The following SLC12A5 variants were observed in gnomAD, a reference collection of about 807,000 sequenced individuals.
SLC12A5 encodes the protein K-Cl cotransporter 2.
Under a neutral mutation model 124.0 loss-of-function variants are expected in SLC12A5, and 18 were observed. The observed-to-expected ratio is 0.15, with a 90% CI of 0.10 to 0.22. The LOEUF (loss-of-function observed/expected upper bound fraction) is 0.22. Ranked by LOEUF, SLC12A5 falls within the 10% of genes least tolerant of loss-of-function variation. SLC12A5 has a pLI of 1.00. For synonymous variants in SLC12A5, 589 were observed against 568.0 expected, an observed-to-expected ratio of 1.04 and a Z score of -0.53; for missense variants, 867 against 1,478.7, an observed-to-expected ratio of 0.59 and a Z score of 6.78.
chr20:46,036,716 G>A (rs142261105), intron 4 of SLC12A5, 25 bp from the exon 5 acceptor site: 7 of 1,613,150 alleles, frequency 4.3e-6, no homozygotes, highest in South Asian at 1.1e-5. Flanking sequence ...CCCAGCCACC[G>A]CTCTGATGAT....
In SLC12A5 at chr20:46,057,776, G is replaced by C. The variant is rs749741363; in HGVS notation, c.*171G>C. On this transcript the variant is annotated 3_prime_UTR_variant, in exon 26 of 26. Coordinates refer to ENST00000243964, the MANE Select transcript of SLC12A5 (RefSeq NM_020708.5). This position sits in a 1 kb window ranked among gnomAD's most constrained non-coding sequence, Gnocchi z 7.1. Reference sequence around the variant, plus strand: ...ACGCCTGTTGGGGCTGATTCGGAGAGGGCGCCCCGCCGCGCAGAGACCAGA... The same window carrying C: ...ACGCCTGTTGGGGCTGATTCGGAGACGGCGCCCCGCCGCGCAGAGACCAGA... The C allele has an allele frequency of 8.6e-6, 5 of 582,848 alleles. No homozygotes were observed. Among genetic ancestry groups the C allele is most frequent in the Non-Finnish European group, 1.5e-5 (5 of 339,208 alleles). 36.1% of individuals were successfully genotyped at this position (582,848 alleles called of 1,614,324 possible). A position where few individuals can be genotyped will look rare whatever the true frequency, so the allele number is the denominator to read the frequency against.
intron 14 of SLC12A5, among the ~76,000 whole-genome samples, chr20:46,046,951 G>A (rs1037545479): frequency 6.6e-6 from 1 of 152,216 alleles, no homozygotes; most frequent in Non-Finnish European, 1.5e-5. Context: ...AGGCCCTCGG[G>A]GGCAGACAGA....
intron 1 of SLC12A5, among the ~76,000 whole-genome samples, chr20:46,029,918 G>C (rs532339970): frequency 3.5e-3 from 33 of 9,308 alleles, no homozygotes; most frequent in South Asian, 0.031. Flanking sequence ...GTGTGTGTGC[G>C]TGTGTGTGTG....
chr20:46,047,396 C>A, intron 14 of SLC12A5, 58 bp from the exon 15 acceptor site: 1 of 1,592,500 alleles, frequency 6.3e-7, no homozygotes. Flanking sequence ...TTTCTAAGTC[C>A]CAGCTTCAGC....
intron 11 of SLC12A5, 191 bp from the exon 12 acceptor site, chr20:46,044,775 T>C: frequency 1.5e-6 from 1 of 648,952 alleles, no homozygotes; most frequent in Admixed American, 3.0e-5. Flanking sequence ...TGGTTTTCAG[T>C]ATCAGGAAAT....
chr20:46,033,137 T>A (rs958509611), intron 1 of SLC12A5, among the ~76,000 whole-genome samples: 5 of 152,100 alleles, frequency 3.3e-5, no homozygotes, highest in Admixed American at 1.3e-4. Flanking sequence ...AGGAAGAGAT[T>A]GGTTTTATAA....
intron 20 of SLC12A5, among the ~76,000 whole-genome samples, chr20:46,054,393 C>T (rs1429135258): frequency 6.6e-6 from 1 of 152,174 alleles, no homozygotes; most frequent in Non-Finnish European, 1.5e-5. Flanking sequence ...CTGGTGGAGG[C>T]AGGATTCAAA....
At chr20:46,021,784 G>A, upstream of SLC12A5, 1 of 1,532,812 alleles carries the variant, frequency 6.5e-7, no homozygotes, top group Non-Finnish European at 8.7e-7. Context: ...CAGGTTCACG[G>A]TCACCTCGCT....
At chr20:46,041,223 TG>T in intron 7 of SLC12A5, 105 bp from the exon 8 acceptor site, 1 of 902,666 alleles carries the variant, frequency 1.1e-6, no homozygotes, top group Non-Finnish European at 1.7e-6. Flanking sequence ...ACTCTGGATA[TG>T]GGGACCTGGC....
intron 21 of SLC12A5, chr20:46,055,825 A>C (rs1350909260): frequency 1.3e-5 from 4 of 313,120 alleles, no homozygotes; most frequent in Non-Finnish European, 2.4e-5. Flanking sequence ...GTGTTATCCA[A>C]GGGAGGTAGT....
At chr20:46,024,150 T>TGTGG (rs1409752018), downstream of SLC12A5, among the ~76,000 whole-genome samples, 3 of 151,374 alleles carry the variant, frequency 2.0e-5, no homozygotes, top group East Asian at 5.8e-4. Context: ...GCTGTGTGTG[T>TGTGG]GTGTGTGTGT....
At chr20:46,048,599 C>T (rs960624282) in intron 16 of SLC12A5, among the ~76,000 whole-genome samples, 9 of 151,960 alleles carry the variant, frequency 5.9e-5, no homozygotes, top group African/African-American at 1.5e-4. Context: ...ATGCCGAGCG[C>T]GGTGGCTCAT....
rs558694441 is a variant in SLC12A5, at chr20:46,049,185, C to T, written c.2013-437C>T. ...CAGAGTAGGTGCTTAGAGAATGCTA[C>T]GAAGTTGATAGGTGGTTGGAGGACT... On this transcript the variant is annotated intron_variant, in intron 16 of 25. Coordinates refer to ENST00000243964, the MANE Select transcript of SLC12A5 (RefSeq NM_020708.5). 5.3e-5 allele frequency among the ~76,000 whole-genome samples: 8 copies of T among 152,166 alleles called. No homozygotes were observed. The South Asian group carries it at 1.5e-3, about 28-fold the overall frequency.
chr20:46,040,683 C>A, intron 7 of SLC12A5, 69 bp downstream of exon 7: 1 of 1,577,100 alleles, frequency 6.3e-7, no homozygotes, highest in South Asian at 1.2e-5. Context: ...AGAGTCTCTG[C>A]CAAACTCCCC....
Position 46,053,448 on chromosome 20 carries a change from G to A in SLC12A5, c.2548-130G>A. 7.7e-7 allele frequency: 1 copy of A among 1,291,576 alleles called. No individual in the cohort carries two copies. The highest frequency in any genetic ancestry group is 1.3e-5 in the South Asian group (1 of 74,416). The allele number at this position is 1,291,576 out of a possible 1,614,324, so 80.0% of individuals were successfully genotyped here. A position where few individuals can be genotyped will look rare whatever the true frequency, so the allele number is the denominator to read the frequency against. ...TGTAGAGAGTGGCCCCAAAGACAGAGGATTTGGGGTCTGCATGTATGTGTG... is the reference window on the plus strand; with the variant it reads ...TGTAGAGAGTGGCCCCAAAGACAGAAGATTTGGGGTCTGCATGTATGTGTG... On this transcript the variant is annotated intron_variant, in intron 19 of 25. Coordinates refer to ENST00000243964, the MANE Select transcript of SLC12A5 (RefSeq NM_020708.5). The surrounding 1 kb of genome is among the most constrained non-coding windows in gnomAD (Gnocchi z 4.7).
Position 46,053,455 on chromosome 20 carries a change from G to T in SLC12A5, c.2548-123G>T, listed in dbSNP as rs1484947456. On this transcript the variant is annotated intron_variant, in intron 19 of 25. Coordinates refer to ENST00000243964, the MANE Select transcript of SLC12A5 (RefSeq NM_020708.5). This position sits in a 1 kb window ranked among gnomAD's most constrained non-coding sequence, Gnocchi z 4.7. ...AGTGGCCCCAAAGACAGAGGATTTG[G>T]GGTCTGCATGTATGTGTGAGGAGTG... 1.5e-6 allele frequency: 2 copies of T among 1,325,118 alleles called. No individual in the cohort carries two copies. The highest frequency in any genetic ancestry group is 2.9e-5 in the African/African-American group (2 of 68,760). 82.1% of individuals were successfully genotyped at this position (1,325,118 alleles called of 1,614,324 possible).
At chr20:46,028,270 T>C (rs2084415587), upstream of SLC12A5, among the ~76,000 whole-genome samples, 1 of 152,146 alleles carries the variant, frequency 6.6e-6, no homozygotes, top group African/African-American at 2.4e-5. Context: ...GGCGGCCTCA[T>C]TCCGCCCTCC....
At chr20:46,043,482 G>T (rs145707720) in intron 9 of SLC12A5, 151 bp from the exon 10 acceptor site, 6 of 1,171,264 alleles carry the variant, frequency 5.1e-6, no homozygotes, top group Non-Finnish European at 7.4e-6. Flanking sequence ...AAGGCCAGGA[G>T]AAGCTAAGTA....
chr20:46,021,733 C>T (rs2145463451), upstream of SLC12A5: 2 of 1,532,936 alleles, frequency 1.3e-6, no homozygotes, highest in East Asian at 4.9e-5. Context: ...CGATCCCGGA[C>T]CTTGCCGCGG....
Sources: gnomAD v4.1 joint callset for allele counts (sites outside exome capture counted in the v4.1 genomes callset) on GRCh38, gnomAD v4.1.1 for gene constraint, Gnocchi (gnomAD v3.1) non-coding constraint, MANE v1.5 for transcripts, NCBI Gene and HGNC (gene_info 2026-07-23, HGNC 2026-07-21) for gene names.